MYH4: variants seen among roughly 807,000 people sequenced by gnomAD.
MYH4 encodes the protein myosin heavy chain 4.
Under a neutral mutation model 229.9 loss-of-function variants are expected in MYH4, and 200 were observed. That is an observed-to-expected ratio of 0.87 (90% confidence interval 0.78 to 0.98). The LOEUF (loss-of-function observed/expected upper bound fraction) is 0.98. MYH4 is among the 50% of genes least tolerant of loss of function. The pLI is 0.00. For synonymous variants in MYH4, 761 were observed against 834.6 expected, an observed-to-expected ratio of 0.91 and a Z score of 1.52; for missense variants, 2,148 against 2,332.6, an observed-to-expected ratio of 0.92 and a Z score of 1.63.
intron 11 of MYH4, among the ~76,000 whole-genome samples, chr17:10,461,771 C>T (rs1488084695): frequency 6.6e-6 from 1 of 152,142 alleles, no homozygotes; most frequent in African/African-American, 2.4e-5. Context: ...TTTTTAGTTG[C>T]CCACATAGGC....
Position 10,463,180 on chromosome 17 carries a change from C to G in MYH4, c.814G>C (p.Glu272Gln), listed in dbSNP as rs1283448111. Residue 272 changes from glutamate (E) to glutamine (Q), a missense_variant, in exon 10 of 40, where the codon GAG becomes CAG. Coordinates refer to ENST00000255381, the MANE Select transcript of MYH4 (RefSeq NM_017533.2). ...AGCTGAAAAGTAACTCGGGACTTCT[C>G]TAGCAGATCTGGAAGTCAGATTAAG... ...ASADIETYLL[E>Q]KSRVTFQLKA... 5 of 1,612,064 alleles carry G rather than the reference C, an allele frequency of 3.1e-6. No homozygotes were observed. The East Asian group carries it at 8.9e-5, about 29-fold the overall frequency.
At chr17:10,457,815 G>T (rs1245955221) in intron 15 of MYH4, 86 bp from the exon 16 acceptor site, 1 of 1,472,350 alleles carries the variant, frequency 6.8e-7, no homozygotes, top group Non-Finnish European at 9.1e-7. Context: ...AAAATACAAT[G>T]TTTCAAAAGA....
chr17:10,462,413 T>C (rs1477081550), intron 11 of MYH4, among the ~76,000 whole-genome samples: 1 of 152,146 alleles, frequency 6.6e-6, no homozygotes, highest in Non-Finnish European at 1.5e-5. Flanking sequence ...TAGAGAGGGA[T>C]ATATCATTGG....
chr17:10,444,365 A>G (rs948081700), intron 39 of MYH4, among the ~76,000 whole-genome samples: 1 of 152,214 alleles, frequency 6.6e-6, no homozygotes, highest in African/African-American at 2.4e-5. Context: ...GATTGCAACT[A>G]AGAAACATTT....
In MYH4 at chr17:10,455,179, T is replaced by C; in HGVS notation, c.2291A>G (p.His764Arg). ...AATTTGGACTGGTGATACCTTGGTA[T>C]GACCGAATTTGTACTGGGTGTGGTC... ...EIDHTQYKFG[H>R]TKVFFKAGLL... Residue 764 changes from histidine to arginine, a missense_variant, in exon 20 of 40, where the codon CAT (histidine) becomes CGT (arginine). Physicochemically the swap from His to Arg is conservative, Grantham distance 29 (BLOSUM62 0). Transcript: ENST00000255381. 6.2e-7 allele frequency: 1 copy of C among 1,614,220 alleles called. No homozygotes were observed. Among genetic ancestry groups the C allele is most frequent in the Non-Finnish European group, 8.5e-7 (1 of 1,180,032 alleles).
intron 15 of MYH4, 71 bp downstream of exon 15, chr17:10,459,180 G>C: frequency 3.1e-6 from 5 of 1,610,220 alleles, no homozygotes; most frequent in Non-Finnish European, 4.2e-6. Context: ...TGAGAACAGG[G>C]AGTGTGATTA....
rs1341053517 is a variant in MYH4 at position 10,448,507 on chromosome 17, G to A, written c.4545C>T (p.Asp1515=). ...CACCCTCTGCAATTTGCTCTGTCAG[G>A]TCAGAAATCTCCTCTGTAATAATAA... is the stretch of plus-strand genomic sequence containing the variant. The part of the protein sequence containing the change: ...ENKNLQQEIS[D]LTEQIAEGGK... The change falls in exon 33 of 40, where the codon GAC becomes GAT. Residue 1515 remains aspartate (D), a synonymous_variant. Transcript: ENST00000255381. 1.1e-5 allele frequency: 17 copies of A among 1,613,382 alleles called. No individual in the cohort carries two copies. In the East Asian group the frequency reaches 3.8e-4, roughly 36 times the overall value.
rs774552786 is a variant in MYH4, at chr17:10,453,368, G to A, written c.2935-40C>T. The A allele has an allele frequency of 4.8e-5, 77 of 1,612,992 alleles. 1 individual carries two copies. In the Middle Eastern group the frequency reaches 6.6e-4, roughly 14 times the overall value. On this transcript the variant is annotated intron_variant, in intron 23 of 39. Coordinates refer to ENST00000255381, the MANE Select transcript of MYH4 (RefSeq NM_017533.2). ...AGATGACCAGAATGTCAATGACAAC[G>A]TATTATCTTGATGAAAAACATGATG... is the stretch of plus-strand genomic sequence containing the variant.
chr17:10,456,692 ATC>A (rs1266817144), intron 16 of MYH4, 137 bp from the exon 17 acceptor site: 1 of 663,394 alleles, frequency 1.5e-6, no homozygotes, highest in Non-Finnish European at 2.7e-6. Flanking sequence ...TTCTTTCCAT[ATC>A]TCTCCTCCCT....
Position 10,460,254 on chromosome 17 carries a change from G to C in MYH4, c.1215C>G (p.Pro405=). Reference sequence around the variant, plus strand: ...CGAACTCATTGCCGACCTTGACTCTGGGATAGCAGAGAGATTTGAGCAGGT... The same window carrying C: ...CGAACTCATTGCCGACCTTGACTCTCGGATAGCAGAGAGATTTGAGCAGGT... ...SADLLKSLCY[P]RVKVGNEFVT... The change falls in exon 13 of 40, where the codon CCC becomes CCG. Residue 405 remains proline, a synonymous_variant. Transcript: ENST00000255381. 6.2e-7 allele frequency: 1 copy of C among 1,614,072 alleles called. No homozygotes were observed. Among genetic ancestry groups the C allele is most frequent in the Non-Finnish European group, 8.5e-7 (1 of 1,179,934 alleles).
rs2072619810 is a variant in MYH4 at position 10,454,806 on chromosome 17, A to G, written c.2440T>C (p.Ser814Pro). ...ATGTTGTACTGAATGCAGAAGATGG[A>G]CTCTCTGTAGGAAAAGAAAAAAAGA... ...EFRKMMERRESIFCIQYNIRA... is the reference protein window; with the variant it reads ...EFRKMMERREPIFCIQYNIRA... The change falls in exon 22 of 40, where the codon TCC (serine) becomes CCC (proline). Residue 814 changes from serine to proline, a missense_variant. Physicochemically the swap from Ser to Pro is moderately conservative, Grantham distance 74. Transcript: ENST00000255381. 1 of 1,613,290 alleles carries G rather than the reference A, an allele frequency of 6.2e-7. No homozygotes were observed. The highest frequency in any genetic ancestry group is 8.5e-7 in the Non-Finnish European group (1 of 1,179,676).
rs776517109 is a variant in MYH4, at chr17:10,453,296, C to T, written c.2967G>A (p.Leu989=). The change falls in exon 24 of 40, where the codon CTG becomes CTA. Residue 989 remains leucine (L), a synonymous_variant. Coordinates refer to ENST00000255381, the MANE Select transcript of MYH4 (RefSeq NM_017533.2). ...TGGTCAGCTTAGCAATGGTTTCATCCAGACCTGCCATCTCTTCTGTGAGGT... is the reference window on the plus strand; with the variant it reads ...TGGTCAGCTTAGCAATGGTTTCATCTAGACCTGCCATCTCTTCTGTGAGGT... The part of the protein sequence containing the change: ...VKNLTEEMAG[L]DETIAKLTKE... 9 of 1,613,902 alleles carry T rather than the reference C, an allele frequency of 5.6e-6. No homozygotes were observed. Among genetic ancestry groups the T allele is most frequent in the Middle Eastern group, 1.6e-4 (1 of 6,084 alleles).
rs1441956524 is a variant in MYH4, at chr17:10,447,859, C to T, written c.4924G>A (p.Glu1642Lys). The change falls in exon 34 of 40, where the codon GAG becomes AAG. Residue 1642 changes from glutamate to lysine, a missense_variant. Physicochemically the swap from Glu to Lys is moderately conservative, Grantham distance 56 (BLOSUM62 1). Transcript: ENST00000255381. The part of the protein sequence containing the change: ...QLNHANRQAA[E>K]ALRNLRNTQG... Reference sequence around the variant, plus strand: ...GTGTTTCTAAGATTCCTTAGTGCCTCAGCAGCCTGGCGGTTGGCATGGTTC... The same window carrying T: ...GTGTTTCTAAGATTCCTTAGTGCCTTAGCAGCCTGGCGGTTGGCATGGTTC... 3.7e-6 allele frequency: 6 copies of T among 1,613,676 alleles called. No individual in the cohort carries two copies. Among genetic ancestry groups the T allele is most frequent in the Non-Finnish European group, 5.1e-6 (6 of 1,179,876 alleles).
intron 23 of MYH4, 33 bp from the exon 24 acceptor site, chr17:10,453,361 T>C: frequency 1.2e-6 from 2 of 1,613,796 alleles, no homozygotes; most frequent in Non-Finnish European, 8.5e-7. Context: ...AGAATGTCAA[T>C]GACAACGTAT....
chr17:10,445,441 G>A (rs2072501726), intron 35 of MYH4, 79 bp from the exon 36 acceptor site: 1 of 1,534,756 alleles, frequency 6.5e-7, no homozygotes, highest in Non-Finnish European at 8.8e-7. Flanking sequence ...AGTGTACACA[G>A]GCAAAAATTA....
Position 10,447,201 on chromosome 17 carries a change from A to G in MYH4, c.4981T>C (p.Leu1661=), listed in dbSNP as rs375404728. 23 of 1,613,974 alleles carry G rather than the reference A, an allele frequency of 1.4e-5. No homozygotes were observed. In the African/African-American group the frequency reaches 1.9e-4, roughly 13 times the overall value. ...TCTTGGCCTCTGATGGCATCATCCA[A>G]ATGTAGCTGAGTGTCCTACACAGAA... ...QGILKDTQLH[L]DDAIRGQDDL... The change falls in exon 35 of 40, where the codon TTG becomes CTG. Residue 1661 remains leucine (L), a synonymous_variant. Transcript: ENST00000255381.
At position 10,455,058 on chromosome 17, in the gene MYH4, A is replaced by T; in HGVS notation, c.2318T>A (p.Leu773Gln). The T allele has an allele frequency of 6.2e-7, 1 of 1,614,204 alleles. No homozygotes were observed. Among genetic ancestry groups the T allele is most frequent in the Non-Finnish European group, 8.5e-7 (1 of 1,180,030 alleles). Residue 773 changes from leucine to glutamine, a missense_variant, in exon 21 of 40, where the codon CTG becomes CAG. Coordinates refer to ENST00000255381, the MANE Select transcript of MYH4 (RefSeq NM_017533.2). ...TCGCATTTCCTCTAGAGTTCCCAGC[A>T]GGCCAGCTTTGAAGAAAACCTTATG... Reference protein sequence around the residue: ...GHTKVFFKAGLLGTLEEMRDE... With the variant: ...GHTKVFFKAGQLGTLEEMRDE...
At chr17:10,461,448 G>A (rs1299496795) in intron 11 of MYH4, among the ~76,000 whole-genome samples, 2 of 151,792 alleles carry the variant, frequency 1.3e-5, no homozygotes, top group East Asian at 1.9e-4. Context: ...CCAGTCTCAC[G>A]AGTCTCTCTG....
intron 30 of MYH4, 128 bp downstream of exon 30, chr17:10,450,325 C>G (rs1373606060): frequency 2.7e-6 from 4 of 1,459,566 alleles, no homozygotes; most frequent in Middle Eastern, 1.7e-4. Flanking sequence ...GTGGAATCCA[C>G]CAACCTATAA....
Sources: allele counts gnomAD v4.1 joint callset (sites outside exome capture counted in the v4.1 genomes callset), GRCh38; gene constraint gnomAD v4.1.1; transcripts MANE v1.5; gene names NCBI Gene and HGNC (gene_info 2026-07-23, HGNC 2026-07-21).